Variants in CFAP65 observed in about 807,000 individuals in gnomAD.
CFAP65 encodes the protein cilia and flagella associated protein 65.
CFAP65 carries 155 observed loss-of-function variants against 208.0 expected under a neutral mutation model. That is an observed-to-expected ratio of 0.75 (90% confidence interval 0.65 to 0.85). CFAP65 has a LOEUF of 0.85. Among genes scored for constraint, CFAP65 ranks in the 40% least tolerant of loss-of-function variants. The pLI, the probability that CFAP65 is intolerant of heterozygous loss-of-function variation, is 0.00. For missense variants in CFAP65, 2,294 were observed against 2,451.3 expected, an observed-to-expected ratio of 0.94 and a Z score of 1.36; for synonymous variants, 970 against 986.3, an observed-to-expected ratio of 0.98 and a Z score of 0.31.
At chr2:219,020,384 C>A (rs920462331) in intron 19 of CFAP65, among the ~76,000 whole-genome samples, 5 of 151,182 alleles carry the variant, frequency 3.3e-5, no homozygotes, top group Non-Finnish European at 5.9e-5. Flanking sequence ...TATTTAATTT[C>A]ATTTCATTTT....
chr2:219,031,419 G>A lies in CFAP65; in HGVS notation c.815+70C>T. On this transcript the variant is annotated intron_variant, in intron 7 of 34. Coordinates refer to ENST00000341552, the MANE Select transcript of CFAP65 (RefSeq NM_194302.4). The surrounding 1 kb of genome is among the most constrained non-coding windows in gnomAD (Gnocchi z 5.2). ...ACCCTACCCCGACAAGGGTATGCCT[G>A]TCTCTCCTGCTTCCAGACACCCTCC... The A allele has an allele frequency of 6.2e-7, 1 of 1,606,556 alleles. No homozygotes were observed. Among genetic ancestry groups the A allele is most frequent in the Non-Finnish European group, 8.5e-7 (1 of 1,178,076 alleles).
intron 21 of CFAP65, 50 bp from the exon 22 acceptor site, chr2:219,014,094 A>T: frequency 6.6e-7 from 1 of 1,514,490 alleles, no homozygotes; most frequent in Non-Finnish European, 8.9e-7. Flanking sequence ...GGCAGAACAG[A>T]GAGGCAGGGG....
rs1947855565 is a variant in CFAP65 at position 219,029,263 on chromosome 2, G to A, written c.1650+140C>T. 3.6e-6 allele frequency: 4 copies of A among 1,114,796 alleles called. No homozygotes were observed. In the South Asian group the frequency reaches 4.8e-5, roughly 13 times the overall value. 69.1% of individuals were successfully genotyped at this position (1,114,796 alleles called of 1,614,324 possible). A position where few individuals can be genotyped will look rare whatever the true frequency, so the allele number is the denominator to read the frequency against. On this transcript the variant is annotated intron_variant, in intron 11 of 34. Transcript: ENST00000341552. ...ACACTGGCTCCAAAAGCCAGGGCTG[G>A]GGCCCAGGAGTGGGAGACCACCAGG... is the stretch of plus-strand genomic sequence containing the variant.
In CFAP65 at chr2:219,003,830, C is replaced by G. The variant is rs1574501726; in HGVS notation, c.5555+122G>C. 2.4e-6 allele frequency: 3 copies of G among 1,227,402 alleles called. No homozygotes were observed. Among genetic ancestry groups the G allele is most frequent in the Non-Finnish European group, 3.4e-6 (3 of 874,602 alleles). 76.0% of individuals were successfully genotyped at this position (1,227,402 alleles called of 1,614,324 possible). On this transcript the variant is annotated intron_variant, in intron 33 of 34. Transcript: ENST00000341552. The surrounding 1 kb of genome is among the most constrained non-coding windows in gnomAD (Gnocchi z 4.4). ...GCCTTAAGCTACCAACATGACCTCA[C>G]TAAGCACTGAATTAGGATGAGATGT... is the stretch of plus-strand genomic sequence containing the variant.
chr2:219,035,126 G>C, intron 5 of CFAP65: 2 of 419,342 alleles, frequency 4.8e-6, no homozygotes, highest in South Asian at 4.9e-5. Flanking sequence ...ACCTTCATAA[G>C]ACTCCAAAAT....
intron 29 of CFAP65, among the ~76,000 whole-genome samples, chr2:219,007,168 G>T (rs1021750237): frequency 2.9e-5 from 4 of 138,770 alleles, no homozygotes; most frequent in South Asian, 2.2e-4. Flanking sequence ...GTTTTTGTTT[G>T]TTTTTTTTTC....
rs1184032865 is a variant in CFAP65 at position 219,013,218 on chromosome 2, C to A, written c.3957+41G>T. ...TGACACTCATACCTAGAGATCAACA[C>A]TTAGGCCTTCTTGGTCAACAGGACA... On this transcript the variant is annotated intron_variant, in intron 24 of 34. Transcript: ENST00000341552. 5 of 1,352,346 alleles carry A rather than the reference C, an allele frequency of 3.7e-6. No individual in the cohort carries two copies. In the East Asian group the frequency reaches 9.2e-5, roughly 25 times the overall value. The allele number at this position is 1,352,346 out of a possible 1,614,324, so 83.8% of individuals were successfully genotyped here.
In CFAP65 at chr2:219,027,880, C is replaced by T; in HGVS notation, c.1981G>A (p.Gly661Ser). The T allele has an allele frequency of 2.6e-6, 4 of 1,557,432 alleles. No individual in the cohort carries two copies. The highest frequency in any genetic ancestry group is 3.5e-6 in the Non-Finnish European group (4 of 1,149,296). The change falls in exon 13 of 35, where the codon GGT becomes AGT. Residue 661 changes from glycine (G) to serine (S), a missense_variant. This residue lies in a region of CFAP65 where 867 missense variants were observed against 1,012.6 expected (regional missense o/e 0.86). Transcript: ENST00000341552. Reference sequence around the variant, plus strand: ...GGGGCCTCAGGCCCTGGGCAGGCACCGAAGTCTACCTCGACAGGCTCTACA... The same window carrying T: ...GGGGCCTCAGGCCCTGGGCAGGCACTGAAGTCTACCTCGACAGGCTCTACA... ...ISVEPVEVDFGACPGPEAPNP... is the reference protein window; with the variant it reads ...ISVEPVEVDFSACPGPEAPNP...
rs949038128 is a variant in CFAP65 at position 219,032,831 on chromosome 2, G to A, written c.543-259C>T. ...AGTGTTTGTACCTCTGATGAGCATG[G>A]AGGCCTGAGAGGGACAGGGACAGTG... On this transcript the variant is annotated intron_variant, in intron 5 of 34. Transcript: ENST00000341552. This position sits in a 1 kb window ranked among gnomAD's most constrained non-coding sequence, Gnocchi z 5.5. 1.3e-5 allele frequency among the ~76,000 whole-genome samples: 2 copies of A among 152,144 alleles called. No individual in the cohort carries two copies. The highest frequency in any genetic ancestry group is 4.8e-5 in the African/African-American group (2 of 41,412).
At position 219,019,455 on chromosome 2, in the gene CFAP65, C is replaced by G. The variant is rs779705584; in HGVS notation, c.3473+51G>C. ...CTGGGCAGAAAGCTCCATGAACATCCCTAGATAGGCCCTGCCCCCAGCCCC... is the reference window on the plus strand; with the variant it reads ...CTGGGCAGAAAGCTCCATGAACATCGCTAGATAGGCCCTGCCCCCAGCCCC... On this transcript the variant is annotated intron_variant, in intron 20 of 34. Coordinates refer to ENST00000341552, the MANE Select transcript of CFAP65 (RefSeq NM_194302.4). 2.7e-5 allele frequency: 40 copies of G among 1,477,634 alleles called. No individual in the cohort carries two copies. The African/African-American group carries it at 5.6e-4, about 21-fold the overall frequency. The allele number at this position is 1,477,634 out of a possible 1,614,324, so 91.5% of individuals were successfully genotyped here.
intron 24 of CFAP65, among the ~76,000 whole-genome samples, chr2:219,011,321 C>CTGGAATA (rs1407192733): frequency 7.4e-6 from 1 of 134,376 alleles, no homozygotes; most frequent in Admixed American, 8.4e-5. Context: ...GTCACCCAGG[C>CTGGAATA]TGGAATACAG....
chr2:219,023,961 T>C (rs1388871877), intron 15 of CFAP65, 54 bp downstream of exon 15: 2 of 1,575,010 alleles, frequency 1.3e-6, no homozygotes, highest in African/African-American at 2.7e-5. Flanking sequence ...AAAAGGGTGG[T>C]TCAAGATTAT....
intron 29 of CFAP65, 70 bp downstream of exon 29, chr2:219,008,977 T>A: frequency 7.3e-7 from 1 of 1,366,914 alleles, no homozygotes; most frequent in South Asian, 1.2e-5. Flanking sequence ...CTTGGCCCAC[T>A]ACCTCTGTCC....
At chr2:219,011,812 A>G (rs1472030799) in intron 24 of CFAP65, among the ~76,000 whole-genome samples, 1 of 152,156 alleles carries the variant, frequency 6.6e-6, no homozygotes, top group Non-Finnish European at 1.5e-5. Flanking sequence ...TGCTGACTCT[A>G]TTTCTCTAGC....
rs144438342 is a variant in CFAP65 at position 219,032,126 on chromosome 2, G to A, written c.645+344C>T. 1.7e-4 allele frequency among the ~76,000 whole-genome samples: 26 copies of A among 152,124 alleles called. No homozygotes were observed. Among genetic ancestry groups the A allele is most frequent in the African/African-American group, 5.5e-4 (23 of 41,508 alleles). ...AGTAGAGGTGGGGTTTCGCCATGTC[G>A]GCCAGGCTGGTCTCGAACTCCTGGC... On this transcript the variant is annotated intron_variant, in intron 6 of 34. Coordinates refer to ENST00000341552, the MANE Select transcript of CFAP65 (RefSeq NM_194302.4). This position sits in a 1 kb window ranked among gnomAD's most constrained non-coding sequence, Gnocchi z 5.5.
rs1169772610 is a variant in CFAP65, at chr2:219,031,052, A to AC, written c.1015+53dup. The AC allele has an allele frequency of 1.4e-5, 21 of 1,530,214 alleles. No individual in the cohort carries two copies. The African/African-American group carries it at 1.8e-4, about 13-fold the overall frequency. The allele number at this position is 1,530,214 out of a possible 1,614,324, so 94.8% of individuals were successfully genotyped here. On this transcript the variant is annotated intron_variant, in intron 8 of 34. Transcript: ENST00000341552. This position sits in a 1 kb window ranked among gnomAD's most constrained non-coding sequence, Gnocchi z 5.2. ...GGTGGGGGACACTGAGGCCTGGAGG[A>AC]CCCAGAAGGTGCAGGAGGGGCCAGT...
intron 2 of CFAP65, 37 bp from the exon 3 acceptor site, chr2:219,039,087 T>TCC: frequency 5.8e-6 from 9 of 1,548,196 alleles, no homozygotes; most frequent in Non-Finnish European, 7.9e-6. Flanking sequence ...TCAATCCATC[T>TCC]CCAGAGCAGA....
At position 219,023,330 on chromosome 2, in the gene CFAP65, G is replaced by T. The variant is rs1947396759; in HGVS notation, c.2697C>A (p.Ser899Arg). The change falls in exon 16 of 35, where the codon AGC becomes AGA. Residue 899 changes from serine to arginine, a missense_variant. Ser to Arg is a moderately radical substitution (Grantham distance 110). Coordinates refer to ENST00000341552, the MANE Select transcript of CFAP65 (RefSeq NM_194302.4). ...KPTWVGCSSTSPFTFRNPSRL... is the reference protein window; with the variant it reads ...KPTWVGCSSTRPFTFRNPSRL... ...GCGAGGGGTTGCGGAAGGTGAAGGG[G>T]CTGGTGGAGGAGCAGCCCACCCAGG... 1.9e-6 allele frequency: 3 copies of T among 1,612,430 alleles called. No individual in the cohort carries two copies. Among genetic ancestry groups the T allele is most frequent in the Non-Finnish European group, 2.5e-6 (3 of 1,179,492 alleles).
intron 21 of CFAP65, among the ~76,000 whole-genome samples, chr2:219,017,690 A>G (rs886092948): frequency 1.3e-5 from 2 of 152,188 alleles, no homozygotes; most frequent in Non-Finnish European, 2.9e-5. Flanking sequence ...CCCTCTCCAC[A>G]GAGAGTGTGA....
Sources: gnomAD v4.1 joint callset for allele counts (sites outside exome capture counted in the v4.1 genomes callset) on GRCh38, gnomAD v4.1.1 for gene constraint, gnomAD v4.1.1 regional missense constraint, Gnocchi (gnomAD v3.1) non-coding constraint, MANE v1.5 for transcripts, NCBI Gene and HGNC (gene_info 2026-07-23, HGNC 2026-07-21) for gene names.